ATXN1: variants seen among roughly 807,000 people sequenced by gnomAD.
ATXN1 encodes the protein ataxin 1.
A neutral mutation model predicts 56.4 loss-of-function variants in ATXN1; 8 were observed. The ratio of observed to expected loss-of-function variants is 0.14; its 90% CI spans 0.08 to 0.26. ATXN1 has a LOEUF of 0.26. Among genes scored for constraint, ATXN1 ranks in the 10% least tolerant of loss-of-function variants. The pLI, the probability that ATXN1 is intolerant of heterozygous loss-of-function variation, is 1.00. For missense variants in ATXN1, 987 were observed against 1,106.5 expected, an observed-to-expected ratio of 0.89 and a Z score of 1.53; for synonymous variants, 514 against 494.6, an observed-to-expected ratio of 1.04 and a Z score of -0.52.
chr6:16,723,047 T>A (rs991547077), intron 2 of ATXN1, among the ~76,000 whole-genome samples: 1 of 152,236 alleles, frequency 6.6e-6, no homozygotes, highest in Non-Finnish European at 1.5e-5. Flanking sequence ...ACTATTGGTA[T>A]GCTACATTTA....
chr6:16,338,838 GAGTTC>G (rs1364950506), intron 6 of ATXN1, among the ~76,000 whole-genome samples: 5 of 152,110 alleles, frequency 3.3e-5, no homozygotes, highest in African/African-American at 9.7e-5. Context: ...GGGTGTTTGA[GAGTTC>G]ATTTTTTTCT....
At chr6:16,692,649 C>T (rs935533230) in intron 2 of ATXN1, among the ~76,000 whole-genome samples, 5 of 139,722 alleles carry the variant, frequency 3.6e-5, no homozygotes, top group African/African-American at 1.2e-4. Flanking sequence ...ACTACCGCCA[C>T]CACCAACAAC....
chr6:16,521,501 T>C (rs1256509850), intron 5 of ATXN1, among the ~76,000 whole-genome samples: 2 of 152,162 alleles, frequency 1.3e-5, no homozygotes, highest in South Asian at 2.1e-4. Context: ...GAGCTTGCAG[T>C]GAGCCGAGAT....
intron 4 of ATXN1, among the ~76,000 whole-genome samples, chr6:16,574,612 C>G (rs1353321985): frequency 1.3e-5 from 2 of 152,146 alleles, no homozygotes; most frequent in Non-Finnish European, 2.9e-5. Flanking sequence ...ACCTAAGTGT[C>G]AACTAGGTTT....
chr6:16,312,621 C>T (rs567682871), intron 7 of ATXN1, among the ~76,000 whole-genome samples: 43 of 152,208 alleles, frequency 2.8e-4, no homozygotes, highest in African/African-American at 9.4e-4. Context: ...GAGGCCGAGG[C>T]GGGCGGATCA....
chr6:16,450,311 T>C (rs1477078855), intron 6 of ATXN1, among the ~76,000 whole-genome samples: 1 of 122,216 alleles, frequency 8.2e-6, no homozygotes, highest in East Asian at 5.8e-4. Context: ...CCTCTTCTTT[T>C]TCACATGTTT....
intron 6 of ATXN1, among the ~76,000 whole-genome samples, chr6:16,331,872 G>A (rs1761000470): frequency 6.6e-6 from 1 of 152,222 alleles, no homozygotes; most frequent in African/African-American, 2.4e-5. Flanking sequence ...TCTCAGTAGT[G>A]CTCAGGTTTA....
rs1760916338 is a variant in ATXN1, at chr6:16,328,961, A to G, written c.-160-491T>C. On this transcript the variant is annotated intron_variant, in intron 6 of 7. Coordinates refer to ENST00000436367, the MANE Select transcript of ATXN1 (RefSeq NM_001128164.2). The surrounding 1 kb of genome is among the most constrained non-coding windows in gnomAD (Gnocchi z 6.2). ...AACAAAACAACAACAACAAAAACAA[A>G]AACACTAGCCGTGGCAGCTGCACAT... 6.6e-6 allele frequency among the ~76,000 whole-genome samples: 1 copy of G among 152,012 alleles called. No individual in the cohort carries two copies. Among genetic ancestry groups the G allele is most frequent in the African/African-American group, 2.4e-5 (1 of 41,384 alleles).
At chr6:16,524,550 T>A (rs920398881) in intron 4 of ATXN1, among the ~76,000 whole-genome samples, 4 of 152,232 alleles carry the variant, frequency 2.6e-5, no homozygotes, top group African/African-American at 9.6e-5. Context: ...TGGTTCCAGT[T>A]ACTTAAACTC....
At position 16,301,272 on chromosome 6, in the gene ATXN1, A is replaced by T. The variant is rs1055641800; in HGVS notation, c.*5057T>A. 5 of 152,072 alleles carry T rather than the reference A, an allele frequency of 3.3e-5. No homozygotes were observed. The highest frequency in any genetic ancestry group is 1.2e-4 in the African/African-American group (5 of 41,286). 9.4% of individuals were successfully genotyped at this position (152,072 alleles called of 1,614,324 possible). A position where few individuals can be genotyped will look rare whatever the true frequency, so the allele number is the denominator to read the frequency against. On this transcript the variant is annotated 3_prime_UTR_variant, in exon 8 of 8. Transcript: ENST00000436367. ...AGCTTCTCAAATCAGGTGTACATTT[A>T]AAAAAAAATTCCCACAAGGTATAGT...
At chr6:16,730,483 G>GTATATATA (rs1283942311) in intron 2 of ATXN1, among the ~76,000 whole-genome samples, 4,998 of 74,352 alleles carry the variant, frequency 0.067, 142 homozygotes, top group East Asian at 0.2. Context: ...GGGTAAAACA[G>GTATATATA]TATGTATATA....
intron 6 of ATXN1, among the ~76,000 whole-genome samples, chr6:16,403,160 G>A (rs1349840858): frequency 6.6e-6 from 1 of 152,074 alleles, no homozygotes; most frequent in East Asian, 1.9e-4. Flanking sequence ...GAAAGACTGG[G>A]ACTCTGGCAG....
intron 6 of ATXN1, among the ~76,000 whole-genome samples, chr6:16,361,144 T>C (rs1761800378): frequency 6.6e-6 from 1 of 152,216 alleles, no homozygotes; most frequent in Non-Finnish European, 1.5e-5. Flanking sequence ...CATTTAACTG[T>C]CTCTGAGAGG....
chr6:16,603,407 C>A (rs1201580143), intron 3 of ATXN1, among the ~76,000 whole-genome samples: 1 of 152,200 alleles, frequency 6.6e-6, no homozygotes, highest in African/African-American at 2.4e-5. Flanking sequence ...CTCCATACTC[C>A]ATTCTGTAAT....
chr6:16,684,875 G>C (rs1247180165), intron 2 of ATXN1, among the ~76,000 whole-genome samples: 1 of 150,528 alleles, frequency 6.6e-6, no homozygotes, highest in Non-Finnish European at 1.5e-5. Flanking sequence ...GAAGAATTAA[G>C]GATTCTTCAT....
chr6:16,412,913 C>T (rs921041609), intron 6 of ATXN1, among the ~76,000 whole-genome samples: 2 of 152,196 alleles, frequency 1.3e-5, no homozygotes, highest in African/African-American at 4.8e-5. Flanking sequence ...GGGCTGTTGT[C>T]TCTCTTGGGA....
chr6:16,721,618 C>G (rs1025785567), intron 2 of ATXN1, among the ~76,000 whole-genome samples: 1 of 152,026 alleles, frequency 6.6e-6, no homozygotes, highest in Non-Finnish European at 1.5e-5. Context: ...TAGAGGGAGA[C>G]CCTGCCTCTT....
intron 4 of ATXN1, among the ~76,000 whole-genome samples, chr6:16,581,839 GA>G (rs1378757840): frequency 6.6e-6 from 1 of 152,042 alleles, no homozygotes. Context: ...GGGTGGTTAA[GA>G]AAAATCACCA....
rs181882526 is a variant in ATXN1 at position 16,758,424 on chromosome 6, G to C, written c.-730+2874C>G. On this transcript the variant is annotated intron_variant, in intron 1 of 7. Coordinates refer to ENST00000436367, the MANE Select transcript of ATXN1 (RefSeq NM_001128164.2). ...CAATAAACACCAGCAGGATTGTCAGGCTCCTTTCACTGTCTGGGGAGATGC... is the reference window on the plus strand; with the variant it reads ...CAATAAACACCAGCAGGATTGTCAGCCTCCTTTCACTGTCTGGGGAGATGC... Among the ~76,000 whole-genome samples the C allele has an allele frequency of 1.8e-4, 27 of 152,274 alleles. No individual in the cohort carries two copies. The East Asian group carries it at 5.2e-3, about 29-fold the overall frequency.
Sources: allele counts gnomAD v4.1 joint callset (sites outside exome capture counted in the v4.1 genomes callset), GRCh38; gene constraint gnomAD v4.1.1; non-coding constraint Gnocchi (gnomAD v3.1); transcripts MANE v1.5; gene names NCBI Gene and HGNC (gene_info 2026-07-23, HGNC 2026-07-21).